The following KRT6C variants were observed in gnomAD, a reference collection of about 807,000 sequenced individuals.
KRT6C encodes the protein keratin, type II cytoskeletal 6C.
In KRT6C, 46 loss-of-function variants were observed where a neutral mutation model predicts 49.4. The observed-to-expected ratio is 0.93, with a 90% CI of 0.74 to 1.19. KRT6C has a LOEUF of 1.19. KRT6C is among the 50% of genes most tolerant of loss of function. The pLI, the probability that KRT6C is intolerant of heterozygous loss-of-function variation, is 0.00. For synonymous variants in KRT6C, 236 were observed against 297.1 expected (o/e 0.79, Z 2.12); for missense variants, 552 against 737.5 (o/e 0.75, Z 2.91).
rs760082841 is a variant in KRT6C at position 52,472,277 on chromosome 12, G to A, written c.544C>T (p.Arg182Trp). The stretch of plus-strand genomic sequence containing the variant: ...ACCTTGTTCTGCTGCTCTAGGAACC[G>A]CACCTGGAAGGGAAGCAAGATGGTC... Reference protein sequence around the residue: ...NKFASFIDKVRFLEQQNKVLD... With the variant: ...NKFASFIDKVWFLEQQNKVLD... The change falls in exon 2 of 9, where the codon CGG becomes TGG. Residue 182 changes from arginine to tryptophan, a missense_variant. Arg to Trp is a moderately radical substitution (Grantham distance 101). Around this residue, in one of 3 missense-constraint regions of KRT6C, gnomAD observed 54 missense variants for 195.9 expected, o/e 0.28. Transcript: ENST00000252250. 3 of 1,409,636 alleles carry A rather than the reference G, an allele frequency of 2.1e-6. 1 individual carries two copies. The highest frequency in any genetic ancestry group is 3.8e-4 in the Middle Eastern group (2 of 5,198). 87.3% of individuals were successfully genotyped at this position (1,409,636 alleles called of 1,614,324 possible). A position where few individuals can be genotyped will look rare whatever the true frequency, so the allele number is the denominator to read the frequency against.
rs749004398 is a variant in KRT6C, at chr12:52,473,765, G to A, written c.-28C>T. 20 of 1,613,990 alleles carry A rather than the reference G, an allele frequency of 1.2e-5. No homozygotes were observed. Among genetic ancestry groups the A allele is most frequent in the Middle Eastern group, 1.7e-4 (1 of 6,030 alleles). ...TTCCAGGAGATGAGAGGGCTGTGGCGAGCGTTGGAGGCTGGAGGCGAGAGG... is the reference window on the plus strand; with the variant it reads ...TTCCAGGAGATGAGAGGGCTGTGGCAAGCGTTGGAGGCTGGAGGCGAGAGG... On this transcript the variant is annotated 5_prime_UTR_variant, in exon 1 of 9. Transcript: ENST00000252250.
Position 52,471,424 on chromosome 12 carries a change from A to T in KRT6C, c.909T>A (p.Asp303Glu), listed in dbSNP as rs1279020040. The T allele has an allele frequency of 6.2e-7, 1 of 1,613,990 alleles. No individual in the cohort carries two copies. The part of the protein sequence containing the change: ...DEINFLRALY[D>E]AELSQMQTHI... ...GAAGGATGGTGGAGATGCTTACTGCATCATACAAGGCTCTCAGGAAGTTGA... is the reference window on the plus strand; with the variant it reads ...GAAGGATGGTGGAGATGCTTACTGCTTCATACAAGGCTCTCAGGAAGTTGA... The change falls in exon 4 of 9, where the codon GAT becomes GAA. Residue 303 changes from aspartate (D) to glutamate (E), a missense_variant. Around this residue, in one of 3 missense-constraint regions of KRT6C, gnomAD observed 425 missense variants for 439.4 expected, o/e 0.97. Coordinates refer to ENST00000252250, the MANE Select transcript of KRT6C (RefSeq NM_173086.5).
At chr12:52,472,429 A>G in intron 1 of KRT6C, 149 bp from the exon 2 acceptor site, 3 of 761,754 alleles carry the variant, frequency 3.9e-6, no homozygotes, top group Non-Finnish European at 6.5e-6. Flanking sequence ...CTGCTCCCCC[A>G]ACCCCTTCTC....
At chr12:52,470,183 G>A (rs1339087635) in intron 6 of KRT6C, 5 of 599,876 alleles carry the variant, frequency 8.3e-6, no homozygotes. Flanking sequence ...TTTGTACTGA[G>A]TGCTGTTTTC....
Position 52,468,841 on chromosome 12 carries a change from A to G in KRT6C, c.*221T>C, listed in dbSNP as rs1169775710. 1.5e-5 allele frequency: 9 copies of G among 612,748 alleles called. No homozygotes were observed. The East Asian group carries it at 2.2e-4, about 15-fold the overall frequency. The allele number at this position is 612,748 out of a possible 1,614,324, so 38.0% of individuals were successfully genotyped here. A position where few individuals can be genotyped will look rare whatever the true frequency, so the allele number is the denominator to read the frequency against. On this transcript the variant is annotated 3_prime_UTR_variant, in exon 9 of 9. Transcript: ENST00000252250. Reference sequence around the variant, plus strand: ...AAAGTGAAGCTCCATTGGTGAATACATTATGATGTAAAATCAAAGGTTGAT... The same window carrying G: ...AAAGTGAAGCTCCATTGGTGAATACGTTATGATGTAAAATCAAAGGTTGAT...
In KRT6C at chr12:52,472,399, G is replaced by T; in HGVS notation, c.541-119C>A. The T allele has an allele frequency of 3.2e-6, 3 of 946,218 alleles. 1 individual carries two copies. The highest frequency in any genetic ancestry group is 4.9e-6 in the Non-Finnish European group (3 of 617,820). The allele number at this position is 946,218 out of a possible 1,614,324, so 58.6% of individuals were successfully genotyped here. On this transcript the variant is annotated intron_variant, in intron 1 of 8. Transcript: ENST00000252250. ...GGTGCTGGGCTACTACAGTGCATGT[G>T]GAGAGGCTCAGGCTGAGCTCTGCTC...
chr12:52,472,126 CG>C lies in KRT6C; in HGVS notation c.694del (p.Arg232GlyfsTer8). 1 of 1,576,970 alleles carries C rather than the reference CG, an allele frequency of 6.3e-7. No individual in the cohort carries two copies. The highest frequency in any genetic ancestry group is 8.7e-7 in the Non-Finnish European group (1 of 1,154,328). ...RRQLDSIVGE[R>X]GRLDSELRNM... The stretch of plus-strand genomic sequence containing the variant: ...TCTCAGCTCCGAGTCCAGGCGGCCC[CG>C]TTCCCCGACGATGCTGTCCAGCTGC... On this transcript the variant is annotated frameshift_variant, in exon 2 of 9. Transcript: ENST00000252250. LOFTEE classifies it high-confidence loss of function.
intron 6 of KRT6C, 80 bp from the exon 7 acceptor site, chr12:52,469,970 C>A: frequency 6.7e-7 from 1 of 1,498,962 alleles, no homozygotes; most frequent in East Asian, 2.3e-5. Context: ...AACCAGGGTC[C>A]TGTAACCCAA....
chr12:52,472,380 G>C, intron 1 of KRT6C, 100 bp from the exon 2 acceptor site: 1 of 1,085,342 alleles, frequency 9.2e-7, no homozygotes. Context: ...CCATGGTGCT[G>C]GGCTACTACA....
intron 6 of KRT6C, 160 bp downstream of exon 6, chr12:52,470,345 T>A (rs913048331): frequency 1.2e-4 from 153 of 1,319,296 alleles, no homozygotes; most frequent in Middle Eastern, 1.8e-4. Flanking sequence ...TTGGGTGGGA[T>A]TCACTTCTCT....
At position 52,472,119 on chromosome 12, in the gene KRT6C, G is replaced by A. The variant is rs385476; in HGVS notation, c.702C>T (p.Arg234=). The change falls in exon 2 of 9, where the codon CGC becomes CGT. Residue 234 remains arginine (R), a synonymous_variant. Transcript: ENST00000252250. ...GCATGTTTCTCAGCTCCGAGTCCAG[G>A]CGGCCCCGTTCCCCGACGATGCTGT... ...QLDSIVGERG[R]LDSELRNMQD... is the part of the protein sequence containing the mutation. 95 of 1,598,676 alleles carry A rather than the reference G, an allele frequency of 5.9e-5. 1 individual carries two copies. In the African/African-American group the frequency reaches 1.1e-3, roughly 18 times the overall value.
Position 52,469,099 on chromosome 12 carries a change from G to A in KRT6C, c.1658C>T (p.Thr553Ile). Residue 553 changes from threonine (T) to isoleucine (I), a missense_variant, in exon 9 of 9, where the codon ACC (threonine) becomes ATC (isoleucine). By Grantham distance (89) the Thr-to-Ile change is moderately conservative. This residue lies in a region of KRT6C where 425 missense variants were observed against 439.4 expected (regional missense o/e 0.97). Coordinates refer to ENST00000252250, the MANE Select transcript of KRT6C (RefSeq NM_173086.5). ...GGGSSTIKYTTTSSSSRKSYK... is the reference protein window; with the variant it reads ...GGGSSTIKYTITSSSSRKSYK... ...GCTCTTCCTGCTGGAGGAGGAGGTGGTGGTGTACTTGATGGTGGAACTGCC... is the reference window on the plus strand; with the variant it reads ...GCTCTTCCTGCTGGAGGAGGAGGTGATGGTGTACTTGATGGTGGAACTGCC... The A allele has an allele frequency of 6.2e-7, 1 of 1,614,088 alleles. No individual in the cohort carries two copies.
chr12:52,471,858 A>T (rs1213153903), intron 2 of KRT6C, 126 bp from the exon 3 acceptor site: 31 of 1,402,690 alleles, frequency 2.2e-5, no homozygotes, highest in Non-Finnish European at 3.0e-5. Flanking sequence ...ACAGAGAGCC[A>T]AAGAGATGAG....
At position 52,468,921 on chromosome 12, in the gene KRT6C, G is replaced by T; in HGVS notation, c.*141C>A. On this transcript the variant is annotated 3_prime_UTR_variant, in exon 9 of 9. Transcript: ENST00000252250. The stretch of plus-strand genomic sequence containing the variant: ...GGCAGGTATAGACAGAGAGAAGTGA[G>T]GGCACTAAGCATCCATACCCAGCTC... 9.9e-7 allele frequency: 1 copy of T among 1,006,002 alleles called. No individual in the cohort carries two copies. The highest frequency in any genetic ancestry group is 1.5e-6 in the Non-Finnish European group (1 of 674,694). 62.3% of individuals were successfully genotyped at this position (1,006,002 alleles called of 1,614,324 possible).
Position 52,469,287 on chromosome 12 carries a change from C to T in KRT6C, c.1470G>A (p.Gln490=), listed in dbSNP as rs750572343. The change falls in exon 9 of 9, where the codon CAG becomes CAA. Residue 490 remains glutamine, a synonymous_variant. Coordinates refer to ENST00000252250, the MANE Select transcript of KRT6C (RefSeq NM_173086.5). ...CGCCATAGCCACTGGAGATGGTGGACTGTACTACAGCTGTGGTGGGGAGGG... is the reference window on the plus strand; with the variant it reads ...CGCCATAGCCACTGGAGATGGTGGATTGTACTACAGCTGTGGTGGGGAGGG... ...GVGQVNVSVV[Q]STISSGYGGA... 1 of 1,613,840 alleles carries T rather than the reference C, an allele frequency of 6.2e-7. No homozygotes were observed. Among genetic ancestry groups the T allele is most frequent in the African/African-American group, 1.3e-5 (1 of 74,922 alleles).
In KRT6C at chr12:52,469,135, G is replaced by C. The variant is rs1352755295; in HGVS notation, c.1622C>G (p.Ser541Cys). The C allele has an allele frequency of 6.2e-7, 1 of 1,614,074 alleles. No individual in the cohort carries two copies. Among genetic ancestry groups the C allele is most frequent in the South Asian group, 1.1e-5 (1 of 91,074 alleles). ...GATGGTGGAACTGCCGCCTCCAACA[G>C]AGCTGAGGCCACCCCCAATGGCTCT... ...SGRAIGGGLS[S>C]VGGGSSTIKY... Residue 541 changes from serine to cysteine, a missense_variant, in exon 9 of 9, where the codon TCT becomes TGT. Ser to Cys is a moderately radical substitution (Grantham distance 112). Around this residue, in one of 3 missense-constraint regions of KRT6C, gnomAD observed 425 missense variants for 439.4 expected, o/e 0.97. Transcript: ENST00000252250.
chr12:52,470,982 C>T lies in KRT6C; in HGVS notation c.1077+150G>A, dbSNP rs1321659036. 8.5e-6 allele frequency: 12 copies of T among 1,409,932 alleles called. No individual in the cohort carries two copies. The African/African-American group carries it at 1.1e-4, about 13-fold the overall frequency. 87.3% of individuals were successfully genotyped at this position (1,409,932 alleles called of 1,614,324 possible). A position where few individuals can be genotyped will look rare whatever the true frequency, so the allele number is the denominator to read the frequency against. ...TTCCTCCTTGACTTGCACATAAGTT[C>T]CCCAAATGTCTACTCTAATAGTGCA... is the stretch of plus-strand genomic sequence containing the variant. On this transcript the variant is annotated intron_variant, in intron 5 of 8. Transcript: ENST00000252250.
rs182926030 is a variant in KRT6C at position 52,471,209 on chromosome 12, T to A, written c.1000A>T (p.Ile334Phe). ...NNRNLDLDSI[I>F]AEVKAQYEEI... ...TCGTATTGGGCCTTGACCTCAGCGA[T>A]GATGCTGTCCAGGTCCAGGTTGCGG... is the stretch of plus-strand genomic sequence containing the variant. Residue 334 changes from isoleucine to phenylalanine, a missense_variant, in exon 5 of 9, where the codon ATC (isoleucine) becomes TTC (phenylalanine). Physicochemically the swap from Ile to Phe is conservative, Grantham distance 21. Transcript: ENST00000252250. 43 of 1,614,206 alleles carry A rather than the reference T, an allele frequency of 2.7e-5. No individual in the cohort carries two copies. Among genetic ancestry groups the A allele is most frequent in the Non-Finnish European group, 3.2e-5 (38 of 1,180,042 alleles).
At chr12:52,472,906 A>T (rs539088475) in intron 1 of KRT6C, among the ~76,000 whole-genome samples, 176 of 146,296 alleles carry the variant, frequency 1.2e-3, no homozygotes, top group East Asian at 6.8e-4. Context: ...AATCTCTTAA[A>T]CACTTCAGAG....
Sources: allele counts gnomAD v4.1 joint callset (sites outside exome capture counted in the v4.1 genomes callset), GRCh38; gene constraint gnomAD v4.1.1; regional missense constraint gnomAD v4.1.1; transcripts MANE v1.5; gene names NCBI Gene and HGNC (gene_info 2026-07-23, HGNC 2026-07-21).